The following CTNNA3 variants were observed in gnomAD, a reference collection of about 807,000 sequenced individuals.
The protein encoded by CTNNA3 is catenin alpha 3, also known as catenin alpha-3.
CTNNA3 carries 76 observed loss-of-function variants against 95.7 expected under a neutral mutation model. That is an observed-to-expected ratio of 0.79 (90% confidence interval 0.66 to 0.96). CTNNA3 has a LOEUF of 0.96. Ranked by LOEUF, CTNNA3 falls within the 40% of genes least tolerant of loss-of-function variation. The pLI is 0.00. For synonymous variants in CTNNA3, 431 were observed against 374.4 expected (o/e 1.15, Z -1.74); for missense variants, 1,191 against 1,089.8 (o/e 1.09, Z -1.31).
chr10:66,419,802 C>CAATAAATAGTGCTGGGGAAATTG (rs1564944704), intron 11 of CTNNA3, among the ~76,000 whole-genome samples: 1 of 152,086 alleles, frequency 6.6e-6, no homozygotes, highest in African/African-American at 2.4e-5. Flanking sequence ...AGGTTTTCTT[C>CAATAAATAGTGCTGGGGAAATTG]AATAAATAGT....
chr10:66,554,364 T>C (rs1441871355), intron 10 of CTNNA3, among the ~76,000 whole-genome samples: 1 of 152,164 alleles, frequency 6.6e-6, no homozygotes, highest in Non-Finnish European at 1.5e-5. Flanking sequence ...TGAAATTTTT[T>C]TAGACTCTTT....
intron 5 of CTNNA3, among the ~76,000 whole-genome samples, chr10:67,360,817 A>G (rs1326392627): frequency 6.6e-6 from 1 of 152,108 alleles, no homozygotes; most frequent in Non-Finnish European, 1.5e-5. Context: ...TAAACCATTC[A>G]TGAGAAATCC....
At chr10:66,709,489 GGCTAA>G (rs1354975731) in intron 9 of CTNNA3, among the ~76,000 whole-genome samples, 25 of 150,972 alleles carry the variant, frequency 1.7e-4, no homozygotes, top group African/African-American at 6.0e-4. Flanking sequence ...GCTGCCAAAT[GGCTAA>G]GGTTTAGTTT....
At chr10:67,457,795 C>A (rs186321884) in intron 5 of CTNNA3, among the ~76,000 whole-genome samples, 1 of 152,208 alleles carries the variant, frequency 6.6e-6, no homozygotes, top group East Asian at 1.9e-4. Context: ...AACATGGGGC[C>A]AAGTCCTTCT....
intron 7 of CTNNA3, among the ~76,000 whole-genome samples, chr10:66,862,907 G>C (rs572180959): frequency 6.6e-6 from 1 of 152,202 alleles, no homozygotes; most frequent in African/African-American, 2.4e-5. Flanking sequence ...ACAAAAGTCT[G>C]CCCTTTCCCA....
At chr10:66,829,662 C>T (rs2132315028) in intron 7 of CTNNA3, among the ~76,000 whole-genome samples, 1 of 145,348 alleles carries the variant, frequency 6.9e-6, no homozygotes, top group Non-Finnish European at 1.5e-5. Context: ...ATATATTTTA[C>T]CTCTAAACAC....
chr10:66,208,461 C>T (rs1448881225), intron 13 of CTNNA3, among the ~76,000 whole-genome samples: 1 of 151,982 alleles, frequency 6.6e-6, no homozygotes, highest in African/African-American at 2.4e-5. Flanking sequence ...ATAGTAATAG[C>T]TAAAATAAAT....
At chr10:67,553,920 C>T (rs1841128748) in intron 3 of CTNNA3, among the ~76,000 whole-genome samples, 1 of 152,104 alleles carries the variant, frequency 6.6e-6, no homozygotes, top group Non-Finnish European at 1.5e-5. Context: ...TCCCCCAACC[C>T]CACGACAGGC....
At position 67,201,543 on chromosome 10, in the gene CTNNA3, A is replaced by T. The variant is rs141643417; in HGVS notation, c.843+18064T>A. On this transcript the variant is annotated intron_variant, in intron 6 of 17. Coordinates refer to ENST00000433211, the MANE Select transcript of CTNNA3 (RefSeq NM_013266.4). ...TCCTTTTACTCTGAAGCTTTTAGAC[A>T]TTGCTCTTTTGGATCCTGCCTACCA... is the stretch of plus-strand genomic sequence containing the variant. Among the ~76,000 whole-genome samples, 242 of 152,088 alleles carry T rather than the reference A, an allele frequency of 1.6e-3. 3 individuals are homozygous for T. The highest frequency in any genetic ancestry group is 5.6e-3 in the African/African-American group (233 of 41,518).
intron 5 of CTNNA3, among the ~76,000 whole-genome samples, chr10:67,332,339 G>A (rs1413961684): frequency 2.0e-5 from 3 of 152,070 alleles, no homozygotes; most frequent in Non-Finnish European, 4.4e-5. Flanking sequence ...AACTGAATTT[G>A]GGAACCTAAA....
chr10:66,659,213 CACACAT>C (rs1439827679), intron 9 of CTNNA3, among the ~76,000 whole-genome samples: 82 of 151,234 alleles, frequency 5.4e-4, no homozygotes, highest in African/African-American at 1.9e-3. Flanking sequence ...CACACACACA[CACACAT>C]ACGTGTAGTT....
At chr10:66,435,944 T>C (rs1337106137) in intron 11 of CTNNA3, among the ~76,000 whole-genome samples, 2 of 152,198 alleles carry the variant, frequency 1.3e-5, no homozygotes, top group African/African-American at 2.4e-5. Flanking sequence ...CCAATAGTCA[T>C]TCAGGAGCAG....
chr10:65,945,865 C>T (rs2077508867), intron 17 of CTNNA3, among the ~76,000 whole-genome samples: 1 of 152,130 alleles, frequency 6.6e-6, no homozygotes, highest in African/African-American at 2.4e-5. Flanking sequence ...ATTGTGGTTA[C>T]CATTACTCTT....
intron 10 of CTNNA3, among the ~76,000 whole-genome samples, chr10:66,556,589 G>A (rs1842397421): frequency 6.6e-6 from 1 of 151,956 alleles, no homozygotes. Context: ...GAATGAACTT[G>A]GAGGACATTA....
intron 5 of CTNNA3, among the ~76,000 whole-genome samples, chr10:67,401,390 T>C (rs183294745): frequency 7.9e-5 from 12 of 152,276 alleles, no homozygotes; most frequent in Admixed American, 7.8e-4. Flanking sequence ...CAACATAATT[T>C]GAACAAATCT....
chr10:67,636,607 G>C (rs1488929195), intron 2 of CTNNA3, among the ~76,000 whole-genome samples: 1 of 152,132 alleles, frequency 6.6e-6, no homozygotes, highest in Non-Finnish European at 1.5e-5. Flanking sequence ...TGGGAGAACT[G>C]GCTAGCCACA....
chr10:66,372,822 C>T (rs1456481046), intron 12 of CTNNA3, among the ~76,000 whole-genome samples: 8 of 152,124 alleles, frequency 5.3e-5, no homozygotes, highest in African/African-American at 1.9e-4. Context: ...AACTCACTGT[C>T]ACAAGAACAG....
At chr10:66,303,404 G>A (rs1217552622) in intron 12 of CTNNA3, among the ~76,000 whole-genome samples, 1 of 151,932 alleles carries the variant, frequency 6.6e-6, no homozygotes, top group Admixed American at 6.6e-5. Flanking sequence ...AATAGAGACA[G>A]ACATATAGTC....
At chr10:66,421,657 A>G (rs975169018) in intron 11 of CTNNA3, among the ~76,000 whole-genome samples, 4 of 151,378 alleles carry the variant, frequency 2.6e-5, no homozygotes, top group African/African-American at 9.7e-5. Flanking sequence ...AAATAGTGAA[A>G]CCCTGTCTCT....
Sources: allele counts gnomAD v4.1 joint callset (sites outside exome capture counted in the v4.1 genomes callset), GRCh38; gene constraint gnomAD v4.1.1; transcripts MANE v1.5; gene names NCBI Gene and HGNC (gene_info 2026-07-23, HGNC 2026-07-21).